ATP2B2: variants seen among roughly 807,000 people sequenced by gnomAD.
ATP2B2 encodes the protein plasma membrane calcium-transporting ATPase 2.
A neutral mutation model predicts 120.0 loss-of-function variants in ATP2B2; 15 were observed. The ratio of observed to expected loss-of-function variants is 0.12; its 90% confidence interval spans 0.08 to 0.19. ATP2B2 has a LOEUF of 0.19. ATP2B2 is among the 10% of genes least tolerant of loss of function. The pLI is 1.00. For missense variants in ATP2B2, 1,045 were observed against 1,719.8 expected (o/e 0.61, Z 6.94); for synonymous variants, 694 against 700.3 (o/e 0.99, Z 0.14).
chr3:10,381,984 C>A (rs2061543522), intron 8 of ATP2B2, among the ~76,000 whole-genome samples: 1 of 148,204 alleles, frequency 6.7e-6, no homozygotes, highest in Non-Finnish European at 1.5e-5. Flanking sequence ...TGGATATCAA[C>A]TAAGGTGATG....
intron 2 of ATP2B2, among the ~76,000 whole-genome samples, chr3:10,434,593 G>T (rs1435435115): frequency 6.6e-6 from 1 of 152,174 alleles, no homozygotes; most frequent in Non-Finnish European, 1.5e-5. Context: ...TTCAGATGAA[G>T]AAACTGAGGC....
At chr3:10,425,997 T>C (rs1401010786) in intron 2 of ATP2B2, among the ~76,000 whole-genome samples, 1 of 152,158 alleles carries the variant, frequency 6.6e-6, no homozygotes, top group Non-Finnish European at 1.5e-5. Context: ...GCCCCTGCTC[T>C]CCTCTGCAGT....
At chr3:10,675,132 T>C (rs2071209190) in intron 1 of ATP2B2, among the ~76,000 whole-genome samples, 1 of 152,240 alleles carries the variant, frequency 6.6e-6, no homozygotes, top group African/African-American at 2.4e-5. Context: ...GGGATTTGCT[T>C]GTAGTAAACA....
At chr3:10,659,457 A>T (rs1434646378) in intron 1 of ATP2B2, among the ~76,000 whole-genome samples, 2 of 152,374 alleles carry the variant, frequency 1.3e-5, no homozygotes, top group Middle Eastern at 3.4e-3. Context: ...AGTCTCTGAT[A>T]AAACAGACTT....
intron 21 of ATP2B2, chr3:10,338,659 C>G (rs144904458): frequency 2.5e-6 from 1 of 407,414 alleles, no homozygotes; most frequent in Non-Finnish European, 4.6e-6. Context: ...AGGAGTTGGA[C>G]AGATGTGGCT....
chr3:10,660,953 C>G (rs1190731964), intron 1 of ATP2B2, among the ~76,000 whole-genome samples: 1 of 152,208 alleles, frequency 6.6e-6, no homozygotes, highest in Non-Finnish European at 1.5e-5. Context: ...ATACACAAAT[C>G]AATAAACGTA....
intron 3 of ATP2B2, 68 bp downstream of exon 3, chr3:10,410,549 GA>G: frequency 6.7e-7 from 1 of 1,493,090 alleles, no homozygotes; most frequent in Admixed American, 2.0e-5. Context: ...TGTGAGCCGT[GA>G]GTGCCCCCCA....
chr3:10,474,012 C>A (rs576182100), intron 1 of ATP2B2, among the ~76,000 whole-genome samples: 1 of 152,098 alleles, frequency 6.6e-6, no homozygotes, highest in African/African-American at 2.4e-5. Context: ...AATGGACTGG[C>A]AGGGTGAGAT....
intron 1 of ATP2B2, among the ~76,000 whole-genome samples, chr3:10,451,240 G>T (rs976204581): frequency 1.3e-5 from 2 of 152,178 alleles, no homozygotes; most frequent in African/African-American, 4.8e-5. Flanking sequence ...TTCCCCTAGG[G>T]GGTGCTCCCG....
chr3:10,681,503 C>A (rs919162549), intron 1 of ATP2B2, among the ~76,000 whole-genome samples: 1 of 152,232 alleles, frequency 6.6e-6, no homozygotes, highest in African/African-American at 2.4e-5. Context: ...GTGCCCAATG[C>A]ACTCACTCAC....
chr3:10,506,365 T>G (rs1366931592), upstream of ATP2B2, among the ~76,000 whole-genome samples: 1 of 152,094 alleles, frequency 6.6e-6, no homozygotes, highest in Admixed American at 6.5e-5. Context: ...TGCATGTCTG[T>G]ACACCCACCT....
chr3:10,378,911 C>T lies in ATP2B2; in HGVS notation c.1042+332G>A, dbSNP rs566287308. ...GCGTGGCCTCTTCATGCAGGATGGA[C>T]TGGAGGGCCCGTGACCCTTTTGGAC... On this transcript the variant is annotated intron_variant, in intron 9 of 22. Coordinates refer to ENST00000360273, the MANE Select transcript of ATP2B2 (RefSeq NM_001001331.4). 3.4e-4 allele frequency among the ~76,000 whole-genome samples: 52 copies of T among 152,332 alleles called. 1 individual carries two copies. The South Asian group carries it at 0.011, about 31-fold the overall frequency.
At chr3:10,533,739 G>A (rs1260484274) in intron 3 of ATP2B2, among the ~76,000 whole-genome samples, 1 of 152,222 alleles carries the variant, frequency 6.6e-6, no homozygotes, top group Admixed American at 6.5e-5. Flanking sequence ...GGGCTCCCCA[G>A]TGCCAGTGCT....
chr3:10,682,807 C>T (rs2071413733), intron 1 of ATP2B2, among the ~76,000 whole-genome samples: 1 of 152,174 alleles, frequency 6.6e-6, no homozygotes, highest in South Asian at 2.1e-4. Context: ...AGTGGAAGGC[C>T]TTACTGGGTC....
chr3:10,659,497 A>G (rs544350074), intron 1 of ATP2B2, among the ~76,000 whole-genome samples: 66 of 152,344 alleles, frequency 4.3e-4, no homozygotes, highest in African/African-American at 1.4e-3. Context: ...AGAGACAAAG[A>G]AGGCCATTAC....
chr3:10,569,630 G>C (rs1664853359), intron 2 of ATP2B2, among the ~76,000 whole-genome samples: 1 of 152,198 alleles, frequency 6.6e-6, no homozygotes, highest in Non-Finnish European at 1.5e-5. Context: ...TGAGGACAGG[G>C]AGTCAGTTCA....
At chr3:10,668,727 C>T (rs2071014070) in intron 1 of ATP2B2, among the ~76,000 whole-genome samples, 1 of 152,176 alleles carries the variant, frequency 6.6e-6, no homozygotes, top group Non-Finnish European at 1.5e-5. Context: ...CACATCCCAC[C>T]ATCTAACAAC....
chr3:10,640,223 C>T (rs2070134686), intron 1 of ATP2B2, among the ~76,000 whole-genome samples: 1 of 152,180 alleles, frequency 6.6e-6, no homozygotes, highest in African/African-American at 2.4e-5. Context: ...ATCTAAGGTG[C>T]TCTTTCACCC....
chr3:10,402,453 T>A lies in ATP2B2; in HGVS notation c.398-105A>T, dbSNP rs1276804624. The A allele has an allele frequency of 2.0e-6, 3 of 1,519,520 alleles. No individual in the cohort carries two copies. In the Admixed American group the frequency reaches 5.0e-5, roughly 25 times the overall value. The allele number at this position is 1,519,520 out of a possible 1,614,324, so 94.1% of individuals were successfully genotyped here. ...TCTGCAAAGTAACAAGTGTTAAGAA[T>A]CAGATGATAATTATCCACTTACTCA... On this transcript the variant is annotated intron_variant, in intron 3 of 22. Coordinates refer to ENST00000360273, the MANE Select transcript of ATP2B2 (RefSeq NM_001001331.4). The surrounding 1 kb of genome is among the most constrained non-coding windows in gnomAD (Gnocchi z 4.9).
Sources: gnomAD v4.1 joint callset for allele counts (sites outside exome capture counted in the v4.1 genomes callset) on GRCh38, gnomAD v4.1.1 for gene constraint, Gnocchi (gnomAD v3.1) non-coding constraint, MANE v1.5 for transcripts, NCBI Gene and HGNC (gene_info 2026-07-23, HGNC 2026-07-21) for gene names.